Variants in CDH6 observed in about 807,000 individuals in gnomAD.
CDH6 encodes the protein cadherin 6, also known as cadherin-6.
A neutral mutation model predicts 78.0 loss-of-function variants in CDH6; 31 were observed. That is an observed-to-expected ratio of 0.40 (90% CI 0.30 to 0.54). The LOEUF is 0.54. Among genes scored for constraint, CDH6 ranks in the 20% least tolerant of loss-of-function variants. The probability of loss-of-function intolerance (pLI) is 0.56; values close to 1 mark genes in which losing one functional copy is unlikely to be tolerated. For synonymous variants in CDH6, 376 were observed against 368.8 expected (o/e 1.02, Z -0.23); for missense variants, 724 against 975.9 (o/e 0.74, Z 3.44).
intron 1 of CDH6, among the ~76,000 whole-genome samples, chr5:31,244,563 C>T (rs1741691484): frequency 6.6e-6 from 1 of 151,878 alleles, no homozygotes; most frequent in South Asian, 2.1e-4. Flanking sequence ...GAGGGGCTGG[C>T]TCACTATTCA....
rs1737541732 is a variant in CDH6 at position 31,294,877 on chromosome 5, G to A, written c.523+621G>A. Among the ~76,000 whole-genome samples, 1 of 152,040 alleles carries A rather than the reference G, an allele frequency of 6.6e-6. No individual in the cohort carries two copies. The highest frequency in any genetic ancestry group is 1.5e-5 in the Non-Finnish European group (1 of 67,996). On this transcript the variant is annotated intron_variant, in intron 3 of 11. Coordinates refer to ENST00000265071, the MANE Select transcript of CDH6 (RefSeq NM_004932.4). The surrounding 1 kb of genome is among the most constrained non-coding windows in gnomAD (Gnocchi z 4.1). ...TTTAAATAACTAGTGGATTTAATTT[G>A]TTTAAATTGAGAGAAGTAAACAGGA...
At chr5:31,287,872 G>A (rs546570587) in intron 2 of CDH6, among the ~76,000 whole-genome samples, 1 of 152,326 alleles carries the variant, frequency 6.6e-6, no homozygotes, top group South Asian at 2.1e-4. Flanking sequence ...CCGACTTAGG[G>A]TCAACGCAGA....
intron 2 of CDH6, among the ~76,000 whole-genome samples, chr5:31,287,714 C>T (rs531920614): frequency 3.5e-4 from 54 of 152,294 alleles, no homozygotes; most frequent in African/African-American, 1.3e-3. Flanking sequence ...CTCATCAGAA[C>T]TACCTAAGGA....
chr5:31,210,661 ATGG>A (rs1740679190), intron 1 of CDH6, among the ~76,000 whole-genome samples: 1 of 152,158 alleles, frequency 6.6e-6, no homozygotes, highest in Admixed American at 6.5e-5. Context: ...CCTTATATAA[ATGG>A]TGAAGTATTT....
chr5:31,285,693 T>C (rs912184356), intron 2 of CDH6, among the ~76,000 whole-genome samples: 1 of 152,222 alleles, frequency 6.6e-6, no homozygotes, highest in Non-Finnish European at 1.5e-5. Flanking sequence ...ACTTGAAATA[T>C]AGTTCGGTAA....
In CDH6 at chr5:31,305,379, T is replaced by C. The variant is rs1359782774; in HGVS notation, c.1205T>C (p.Ile402Thr). 6.2e-7 allele frequency: 1 copy of C among 1,614,076 alleles called. No individual in the cohort carries two copies. The highest frequency in any genetic ancestry group is 8.5e-7 in the Non-Finnish European group (1 of 1,179,978). Residue 402 changes from isoleucine (I) to threonine (T), a missense_variant, in exon 7 of 12, where the codon ATA (isoleucine) becomes ACA (threonine). Ile to Thr is a moderately conservative substitution (Grantham distance 89, BLOSUM62 -1). Coordinates refer to ENST00000265071, the MANE Select transcript of CDH6 (RefSeq NM_004932.4). ...GAAGATGCTCAGATAAACACCACAA[T>C]AGGCTCCGTCACAGCCCAAGATCCA... ...IREDAQINTT[I>T]GSVTAQDPDA... is the part of the protein sequence containing the mutation.
chr5:31,322,523 T>C (rs1427848708), intron 11 of CDH6, among the ~76,000 whole-genome samples: 1 of 152,200 alleles, frequency 6.6e-6, no homozygotes, highest in African/African-American at 2.4e-5. Context: ...TTATTATTTT[T>C]TTCCTTACCT....
At chr5:31,308,732 C>T (rs2149955453) in intron 7 of CDH6, among the ~76,000 whole-genome samples, 1 of 152,128 alleles carries the variant, frequency 6.6e-6, no homozygotes, top group South Asian at 2.1e-4. Context: ...TTGAAAGCTG[C>T]CTTCAACTAA....
Position 31,195,832 on chromosome 5 carries a change from G to A in CDH6, c.-129+1946G>A, listed in dbSNP as rs1000930060. Reference sequence around the variant, plus strand: ...AAAGACAGATCTTTTCCCACCTAATGTAATGGTTCATGCCATACTTTTGAA... The same window carrying A: ...AAAGACAGATCTTTTCCCACCTAATATAATGGTTCATGCCATACTTTTGAA... On this transcript the variant is annotated intron_variant, in intron 1 of 11. Transcript: ENST00000265071. 2.0e-5 allele frequency among the ~76,000 whole-genome samples: 3 copies of A among 152,194 alleles called. No individual in the cohort carries two copies. In the East Asian group the frequency reaches 5.8e-4, roughly 29 times the overall value.
chr5:31,266,253 A>T (rs1742350847), intron 1 of CDH6, among the ~76,000 whole-genome samples: 1 of 152,098 alleles, frequency 6.6e-6, no homozygotes, highest in Admixed American at 6.5e-5. Context: ...GGATTTTTTT[A>T]ATGGTAGATT....
At chr5:31,299,374 G>T (rs1737694273) in intron 4 of CDH6, 90 bp from the exon 5 acceptor site, 2 of 987,688 alleles carry the variant, frequency 2.0e-6, no homozygotes, top group South Asian at 1.6e-5. Flanking sequence ...TGCATATTGT[G>T]GGTGACAGTT....
intron 1 of CDH6, among the ~76,000 whole-genome samples, chr5:31,244,892 A>G (rs897627048): frequency 2.0e-5 from 3 of 152,174 alleles, no homozygotes; most frequent in Admixed American, 6.5e-5. Context: ...AAGAGAGGAA[A>G]TGTCCACTCT....
At chr5:31,296,887 T>G (rs1302447071) in intron 3 of CDH6, among the ~76,000 whole-genome samples, 1 of 152,092 alleles carries the variant, frequency 6.6e-6, no homozygotes, top group Non-Finnish European at 1.5e-5. Flanking sequence ...TATGACAGAA[T>G]TTCCAGCAAA....
Position 31,204,060 on chromosome 5 carries a change from A to G in CDH6, c.-129+10174A>G, listed in dbSNP as rs12654665. 4.6e-5 allele frequency among the ~76,000 whole-genome samples: 7 copies of G among 152,360 alleles called. No homozygotes were observed. The East Asian group carries it at 1.4e-3, about 29-fold the overall frequency. On this transcript the variant is annotated intron_variant, in intron 1 of 11. Transcript: ENST00000265071. The stretch of plus-strand genomic sequence containing the variant: ...CTGCTCAGCCATAACTTTTGCATTC[A>G]TAGCAAATGCTATTACCTGGAAGAA...
Position 31,201,030 on chromosome 5 carries a change from T to A in CDH6, c.-129+7144T>A, listed in dbSNP as rs1326691673. 5.3e-5 allele frequency among the ~76,000 whole-genome samples: 8 copies of A among 152,342 alleles called. No individual in the cohort carries two copies. The East Asian group carries it at 1.5e-3, about 29-fold the overall frequency. Reference sequence around the variant, plus strand: ...TTGATTTATTTTGTTCTCTTATCTCTATCTTTCTCTGCTGTGGCTTGATTT... The same window carrying A: ...TTGATTTATTTTGTTCTCTTATCTCAATCTTTCTCTGCTGTGGCTTGATTT... On this transcript the variant is annotated intron_variant, in intron 1 of 11. Coordinates refer to ENST00000265071, the MANE Select transcript of CDH6 (RefSeq NM_004932.4).
chr5:31,250,841 C>T (rs1217955881), intron 1 of CDH6: 1 of 152,916 alleles, frequency 6.5e-6, no homozygotes, highest in Admixed American at 6.5e-5. Flanking sequence ...AACCGCACAG[C>T]TCTCTGCAAA....
At chr5:31,236,042 A>G (rs927940937) in intron 1 of CDH6, among the ~76,000 whole-genome samples, 3 of 152,220 alleles carry the variant, frequency 2.0e-5, no homozygotes, top group Admixed American at 6.5e-5. Flanking sequence ...TTTTTGAACT[A>G]TAGAAAACAT....
chr5:31,304,142 A>G (rs921540952), intron 6 of CDH6, among the ~76,000 whole-genome samples: 4 of 151,942 alleles, frequency 2.6e-5, no homozygotes, highest in Admixed American at 6.6e-5. Context: ...TCAGGATACC[A>G]TTTGGAATAT....
chr5:31,208,877 T>C (rs1400666318), intron 1 of CDH6, among the ~76,000 whole-genome samples: 1 of 152,226 alleles, frequency 6.6e-6, no homozygotes, highest in Non-Finnish European at 1.5e-5. Context: ...AAAGACTGAA[T>C]TAAATTCAAC....
Sources: allele counts gnomAD v4.1 joint callset (sites outside exome capture counted in the v4.1 genomes callset), GRCh38; gene constraint gnomAD v4.1.1; non-coding constraint Gnocchi (gnomAD v3.1); transcripts MANE v1.5; gene names NCBI Gene and HGNC (gene_info 2026-07-23, HGNC 2026-07-21).